SGSM1: variants seen among roughly 807,000 people sequenced by gnomAD.
SGSM1 encodes RUN and TBC1 domain containing 2.
SGSM1 carries 73 observed loss-of-function variants against 133.8 expected under a neutral mutation model. The observed-to-expected ratio is 0.55, with a 90% confidence interval of 0.45 to 0.66. The LOEUF (loss-of-function observed/expected upper bound fraction) is 0.66. SGSM1 is among the 30% of genes least tolerant of loss of function. The pLI, the probability that SGSM1 is intolerant of heterozygous loss-of-function variation, is 0.00. For missense variants in SGSM1, 1,213 were observed against 1,448.1 expected (o/e 0.84, Z 2.64); for synonymous variants, 563 against 573.0 (o/e 0.98, Z 0.25).
chr22:24,905,163 C>T lies in SGSM1; in HGVS notation c.2794C>T (p.Pro932Ser). 1 of 1,613,998 alleles carries T rather than the reference C, an allele frequency of 6.2e-7. No individual in the cohort carries two copies. The highest frequency in any genetic ancestry group is 1.1e-5 in the South Asian group (1 of 91,086). The change falls in exon 21 of 25, where the codon CCA (proline) becomes TCA (serine). Residue 932 changes from proline to serine, a missense_variant. Coordinates refer to ENST00000400358, the MANE Select transcript of SGSM1 (RefSeq NM_001098497.3). ...YVQGMCDLLA[P>S]LLVILDDEAL... ...CCAGGGCATGTGTGATCTTCTGGCT[C>T]CACTGCTGGTCATTCTGGATGATGG...
intron 21 of SGSM1, among the ~76,000 whole-genome samples, chr22:24,909,076 C>T (rs12627975): frequency 0.12 from 18,529 of 152,106 alleles, 1,454 homozygotes; most frequent in African/African-American, 0.21. Flanking sequence ...CTCATAGGAG[C>T]GTGAACCCTA....
chr22:24,888,846 G>T (rs769338782), intron 16 of SGSM1, among the ~76,000 whole-genome samples: 3 of 150,782 alleles, frequency 2.0e-5, no homozygotes, highest in Non-Finnish European at 2.9e-5. Context: ...GGGTTCTTCT[G>T]TTCCGGTGAT....
intron 16 of SGSM1, among the ~76,000 whole-genome samples, chr22:24,891,013 A>G (rs1431982520): frequency 6.6e-6 from 1 of 152,230 alleles, no homozygotes; most frequent in South Asian, 2.1e-4. Flanking sequence ...ATAGAAGGAA[A>G]CTATAAAAAT....
chr22:24,839,318 C>T (rs1929655617), intron 2 of SGSM1, among the ~76,000 whole-genome samples: 1 of 152,220 alleles, frequency 6.6e-6, no homozygotes, highest in Non-Finnish European at 1.5e-5. Context: ...TTTGCCTCAG[C>T]CTCCCAAAGT....
At chr22:24,820,022 A>G (rs1189898166) in intron 2 of SGSM1, among the ~76,000 whole-genome samples, 1 of 151,974 alleles carries the variant, frequency 6.6e-6, no homozygotes, top group African/African-American at 2.4e-5. Context: ...GGGTGCTGCC[A>G]GGGAAGCCAG....
At chr22:24,867,610 G>C (rs1210751274) in intron 10 of SGSM1, among the ~76,000 whole-genome samples, 1 of 152,198 alleles carries the variant, frequency 6.6e-6, no homozygotes, top group Non-Finnish European at 1.5e-5. Context: ...GCCGGGACTG[G>C]ACCCAGCTTT....
chr22:24,911,023 G>A (rs968461915), intron 21 of SGSM1, among the ~76,000 whole-genome samples: 2 of 152,094 alleles, frequency 1.3e-5, no homozygotes, highest in Admixed American at 1.3e-4. Context: ...GGAGGTGGAG[G>A]TGGGCAGATT....
At chr22:24,878,719 T>C (rs1932161099) in intron 13 of SGSM1, among the ~76,000 whole-genome samples, 1 of 152,166 alleles carries the variant, frequency 6.6e-6, no homozygotes, top group Admixed American at 6.5e-5. Context: ...TCCCAAAAAT[T>C]CCCATGCAAG....
rs376524385 is a variant in SGSM1 at position 24,850,451 on chromosome 22, A to T, written c.455+19A>T. The T allele has an allele frequency of 6.2e-7, 1 of 1,612,234 alleles. No homozygotes were observed. Among genetic ancestry groups the T allele is most frequent in the Non-Finnish European group, 8.5e-7 (1 of 1,178,788 alleles). On this transcript the variant is annotated intron_variant, in intron 5 of 24. Transcript: ENST00000400358. Reference sequence around the variant, plus strand: ...ACAGCAGGTGAGAGGGAAAGACCTGACACCTGGCCATGCTCTGCCCCCACC... The same window carrying T: ...ACAGCAGGTGAGAGGGAAAGACCTGTCACCTGGCCATGCTCTGCCCCCACC...
intron 2 of SGSM1, among the ~76,000 whole-genome samples, chr22:24,836,608 A>G (rs1929444510): frequency 6.6e-6 from 1 of 152,134 alleles, no homozygotes; most frequent in Non-Finnish European, 1.5e-5. Flanking sequence ...CCCCACCAAC[A>G]CTTACTTTCT....
At chr22:24,849,060 C>T (rs1252471478) in intron 4 of SGSM1, among the ~76,000 whole-genome samples, 1 of 152,128 alleles carries the variant, frequency 6.6e-6, no homozygotes, top group Non-Finnish European at 1.5e-5. Flanking sequence ...GAGTGACCTC[C>T]TAGTGGAGGA....
Position 24,886,872 on chromosome 22 carries a change from A to G in SGSM1, c.1770+144A>G, listed in dbSNP as rs566382629. 5.6e-5 allele frequency: 63 copies of G among 1,122,624 alleles called. No individual in the cohort carries two copies. The South Asian group carries it at 6.4e-4, about 11-fold the overall frequency. The allele number at this position is 1,122,624 out of a possible 1,614,324, so 69.5% of individuals were successfully genotyped here. On this transcript the variant is annotated intron_variant, in intron 16 of 24. Coordinates refer to ENST00000400358, the MANE Select transcript of SGSM1 (RefSeq NM_001098497.3). ...GGGAACCTGAAGGCGGCGCTGTCCA[A>G]TAGAAACATAACACAAGCCACATAG...
At chr22:24,881,567 A>G (rs112528537) in intron 14 of SGSM1, among the ~76,000 whole-genome samples, 1 of 124,690 alleles carries the variant, frequency 8.0e-6, no homozygotes. Flanking sequence ...CTCCGTCTCA[A>G]AAACAAAACA....
intron 2 of SGSM1, among the ~76,000 whole-genome samples, chr22:24,823,668 C>T (rs1459493988): frequency 6.6e-6 from 1 of 151,570 alleles, no homozygotes; most frequent in African/African-American, 2.4e-5. Context: ...CGCAGTGGCT[C>T]ATGCCTGTAA....
chr22:24,921,756 A>T (rs569766723), intron 24 of SGSM1, among the ~76,000 whole-genome samples: 1 of 151,444 alleles, frequency 6.6e-6, no homozygotes, highest in Non-Finnish European at 1.5e-5. Flanking sequence ...CTGGAGTACA[A>T]TGGCATGATC....
At chr22:24,899,443 C>T (rs1311274307) in intron 19 of SGSM1, among the ~76,000 whole-genome samples, 2 of 151,856 alleles carry the variant, frequency 1.3e-5, no homozygotes, top group African/African-American at 4.8e-5. Flanking sequence ...GTCATGTTTT[C>T]CTCTTTCTTA....
intron 2 of SGSM1, among the ~76,000 whole-genome samples, chr22:24,826,598 T>C (rs1928813870): frequency 6.6e-6 from 1 of 152,172 alleles, no homozygotes; most frequent in Non-Finnish European, 1.5e-5. Flanking sequence ...AGATGGATGC[T>C]AAATAGATGA....
chr22:24,905,667 T>C (rs1406435218), intron 21 of SGSM1, among the ~76,000 whole-genome samples: 2 of 151,310 alleles, frequency 1.3e-5, no homozygotes, highest in Non-Finnish European at 2.9e-5. Flanking sequence ...CAGGCACCTG[T>C]AGTCCCAGCT....
chr22:24,830,508 G>T (rs1193194123), intron 2 of SGSM1, among the ~76,000 whole-genome samples: 1 of 152,186 alleles, frequency 6.6e-6, no homozygotes. Flanking sequence ...ACAGGAAATA[G>T]ATGGCTCCCC....
Sources: allele counts gnomAD v4.1 joint callset (sites outside exome capture counted in the v4.1 genomes callset), GRCh38; gene constraint gnomAD v4.1.1; transcripts MANE v1.5; gene names NCBI Gene and HGNC (gene_info 2026-07-23, HGNC 2026-07-21).